The following JAKMIP3 variants were observed in gnomAD, a reference collection of about 807,000 sequenced individuals.
JAKMIP3 encodes janus kinase and microtubule-interacting protein 3.
Under a neutral mutation model 118.5 loss-of-function variants are expected in JAKMIP3, and 58 were observed. The observed-to-expected ratio is 0.49, with a 90% CI of 0.40 to 0.61. The LOEUF (loss-of-function observed/expected upper bound fraction) is 0.61. Ranked by LOEUF, JAKMIP3 falls within the 20% of genes least tolerant of loss-of-function variation. JAKMIP3 has a pLI of 0.00. For missense variants in JAKMIP3, 950 were observed against 1,109.0 expected, an observed-to-expected ratio of 0.86 and a Z score of 2.04; for synonymous variants, 486 against 451.2, an observed-to-expected ratio of 1.08 and a Z score of -0.98.
chr10:132,150,449 A>G (rs546633148), intron 16 of JAKMIP3, among the ~76,000 whole-genome samples: 2 of 152,198 alleles, frequency 1.3e-5, no homozygotes, highest in Non-Finnish European at 1.5e-5. Context: ...TCCAATTTCT[A>G]TAGCAAACTC....
At chr10:132,047,162 C>G (rs2037942547) in intron 1 of JAKMIP3, among the ~76,000 whole-genome samples, 1 of 152,194 alleles carries the variant, frequency 6.6e-6, no homozygotes, top group African/African-American at 2.4e-5. Context: ...CCATGAGCCA[C>G]TGCACCCAGC....
At chr10:132,064,150 T>C (rs1455273362), upstream of JAKMIP3, among the ~76,000 whole-genome samples, 1 of 152,210 alleles carries the variant, frequency 6.6e-6, no homozygotes, top group East Asian at 1.9e-4. The surrounding 1 kb of genome is among the most constrained non-coding windows in gnomAD (Gnocchi z 4.4). Context: ...CTGTTGGACG[T>C]CTAGGATGTT....
chr10:132,071,442 T>G (rs1489849888), intron 1 of JAKMIP3, among the ~76,000 whole-genome samples: 1 of 152,220 alleles, frequency 6.6e-6, no homozygotes, highest in Non-Finnish European at 1.5e-5. Flanking sequence ...AATGGTGGTG[T>G]TGAAATCTTC....
At chr10:132,056,265 G>A (rs6560673) in intron 1 of JAKMIP3, among the ~76,000 whole-genome samples, 84,409 of 152,014 alleles carry the variant, frequency 0.56, 23,825 homozygotes, top group East Asian at 0.72. Context: ...AAGCTTGTCC[G>A]TGGCCTGTGG....
chr10:132,061,474 A>G (rs1006978220), upstream of JAKMIP3, among the ~76,000 whole-genome samples: 2 of 152,258 alleles, frequency 1.3e-5, no homozygotes, highest in Admixed American at 1.3e-4. Context: ...CGGTTAATCT[A>G]TAAACTCATT....
rs1205299432 is a variant in JAKMIP3 at position 132,180,760 on chromosome 10, C to CGTGTGTGT, written c.*1104-1595_*1104-1588dup. 1.4e-4 allele frequency among the ~76,000 whole-genome samples: 2 copies of CGTGTGTGT among 14,736 alleles called. 1 individual carries two copies. Among genetic ancestry groups the CGTGTGTGT allele is most frequent in the Non-Finnish European group, 2.2e-4 (2 of 9,180 alleles). 9.7% of individuals were successfully genotyped at this position (14,736 alleles called of 152,430 possible). On this transcript the variant is annotated intron_variant, in intron 23 of 23. Coordinates refer to ENST00000684848, the MANE Select transcript of JAKMIP3 (RefSeq NM_001323087.2). ...GTGCGTGCGTGCGCGCGCGTGTGTGCGTGTGTGTGCGTGTGTGTGTGTGCG... is the reference window on the plus strand; with the variant it reads ...GTGCGTGCGTGCGCGCGCGTGTGTGCGTGTGTGTGTGTGTGTGCGTGTGTGTGTGTGCG...
Position 132,100,600 on chromosome 10 carries a change from C to T in JAKMIP3, c.-137-4072C>T, listed in dbSNP as rs113725668. ...CTAGCAGCCACCCCCAGGGCCGGAG[C>T]GCAGGCCACGCCCCCCCAGCAGCTA... On this transcript the variant is annotated intron_variant, in intron 1 of 23. Coordinates refer to ENST00000684848, the MANE Select transcript of JAKMIP3 (RefSeq NM_001323087.2). Among the ~76,000 whole-genome samples, 216 of 147,576 alleles carry T rather than the reference C, an allele frequency of 1.5e-3. 4 individuals are homozygous for T. Among genetic ancestry groups the T allele is most frequent in the African/African-American group, 5.0e-3 (208 of 41,384 alleles).
chr10:132,153,506 G>A (rs965618541), intron 17 of JAKMIP3, among the ~76,000 whole-genome samples: 14 of 152,102 alleles, frequency 9.2e-5, no homozygotes, highest in Non-Finnish European at 1.9e-4. Context: ...TCTCTCCTAC[G>A]GTGCCCCAAG....
chr10:132,043,547 T>A (rs950239164), intron 1 of JAKMIP3, among the ~76,000 whole-genome samples: 8 of 152,224 alleles, frequency 5.3e-5, no homozygotes, highest in African/African-American at 1.9e-4. Flanking sequence ...ACTTCTTTCC[T>A]GTTTTAGTTT....
intron 2 of JAKMIP3, among the ~76,000 whole-genome samples, chr10:132,105,810 G>A (rs1391469159): frequency 3.5e-5 from 5 of 140,880 alleles, no homozygotes; most frequent in Non-Finnish European, 7.8e-5. Flanking sequence ...TGGGTCACGC[G>A]TGGATGGTGT....
At chr10:132,087,134 A>G (rs567996151) in intron 1 of JAKMIP3, among the ~76,000 whole-genome samples, 2 of 152,196 alleles carry the variant, frequency 1.3e-5, no homozygotes, top group Non-Finnish European at 2.9e-5. Context: ...GTTTTACTGG[A>G]TACAAAAGAG....
Position 132,133,437 on chromosome 10 carries a change from C to A in JAKMIP3, c.759C>A (p.Val253=). Residue 253 remains valine, a synonymous_variant, in exon 4 of 24, where the codon GTC becomes GTA. Coordinates refer to ENST00000684848, the MANE Select transcript of JAKMIP3 (RefSeq NM_001323087.2). ...KEALDEQLSQ[V]READRHPGSP... is the part of the protein sequence containing the mutation. ...CTCTAGATGAGCAGCTGTCCCAGGTCCGAGAGGCCGACCGGCACCCGGGCA... is the reference window on the plus strand; with the variant it reads ...CTCTAGATGAGCAGCTGTCCCAGGTACGAGAGGCCGACCGGCACCCGGGCA... The A allele has an allele frequency of 6.3e-7, 1 of 1,589,542 alleles. No homozygotes were observed. Among genetic ancestry groups the A allele is most frequent in the East Asian group, 2.3e-5 (1 of 43,586 alleles).
In JAKMIP3 at chr10:132,096,822, G is replaced by A. The variant is rs183082380; in HGVS notation, c.-137-7850G>A. The stretch of plus-strand genomic sequence containing the variant: ...AGGGACCTCAGACCCCAGGAATGAC[G>A]CCATGGCAGGGTCCCTGGGTTTTCT... On this transcript the variant is annotated intron_variant, in intron 1 of 23. Transcript: ENST00000684848. 2.6e-3 allele frequency among the ~76,000 whole-genome samples: 403 copies of A among 152,274 alleles called. 7 individuals are homozygous for A. The highest frequency in any genetic ancestry group is 4.2e-3 in the East Asian group (22 of 5,184).
chr10:132,137,186 T>G, intron 7 of JAKMIP3, 36 bp downstream of exon 7: 1 of 1,613,924 alleles, frequency 6.2e-7, no homozygotes, highest in South Asian at 1.1e-5. Flanking sequence ...CCCCGTCCTC[T>G]GGCTCCCAAG....
intron 1 of JAKMIP3, among the ~76,000 whole-genome samples, chr10:132,076,177 C>T (rs914888180): frequency 1.3e-5 from 2 of 152,196 alleles, no homozygotes; most frequent in Non-Finnish European, 2.9e-5. Flanking sequence ...TCCCTGCCCC[C>T]AGTCCCTGAC....
chr10:132,164,938 T>C (rs1320307489), intron 21 of JAKMIP3, among the ~76,000 whole-genome samples: 1 of 152,134 alleles, frequency 6.6e-6, no homozygotes, highest in Admixed American at 6.5e-5. Context: ...CTGCAAGGGC[T>C]CTGGACCCGG....
rs1264566990 is a variant in JAKMIP3, at chr10:132,049,297, TCCTTAGGGCTGGGAGTGCTGCC to T, written c.-138+12561_-138+12582del. On this transcript the variant is annotated intron_variant, in intron 1 of 23. Transcript: ENST00000657785. The surrounding 1 kb of genome is among the most constrained non-coding windows in gnomAD (Gnocchi z 4.3). ...CACTGACCCACGGCTTTGCTTCCCT[TCCTTAGGGCTGGGAGTGCTGCC>T]CTCCTCCTCACCTTCCACTTCCTCC... 1.3e-5 allele frequency among the ~76,000 whole-genome samples: 2 copies of T among 152,174 alleles called. No individual in the cohort carries two copies. The highest frequency in any genetic ancestry group is 2.9e-5 in the Non-Finnish European group (2 of 68,042).
At chr10:132,047,328 C>T (rs1284381921) in intron 1 of JAKMIP3, among the ~76,000 whole-genome samples, 2 of 152,192 alleles carry the variant, frequency 1.3e-5, no homozygotes, top group Non-Finnish European at 1.5e-5. Flanking sequence ...TCTGGTGCAG[C>T]ATTACTGCGT....
In JAKMIP3 at chr10:132,179,052, C is replaced by T. The variant is rs115654606; in HGVS notation, c.*1104-3305C>T. ...CTGGGGGCCCCGACCTGTGGAAACA[C>T]CCTGTGTCAGCCCTGGGTGGTGCCC... is the stretch of plus-strand genomic sequence containing the variant. On this transcript the variant is annotated intron_variant, in intron 23 of 23. Transcript: ENST00000684848. This position sits in a 1 kb window ranked among gnomAD's most constrained non-coding sequence, Gnocchi z 4.3. 9.0e-3 allele frequency among the ~76,000 whole-genome samples: 1,374 copies of T among 152,358 alleles called. 28 individuals carry two copies. The highest frequency in any genetic ancestry group is 0.031 in the African/African-American group (1,279 of 41,578).
Sources: allele counts gnomAD v4.1 joint callset (sites outside exome capture counted in the v4.1 genomes callset), GRCh38; gene constraint gnomAD v4.1.1; non-coding constraint Gnocchi (gnomAD v3.1); transcripts MANE v1.5; gene names NCBI Gene and HGNC (gene_info 2026-07-23, HGNC 2026-07-21).